Variants in SWT1 observed in about 807,000 individuals in gnomAD.
SWT1 encodes SWT1 RNA endoribonuclease homolog.
Under a neutral mutation model 107.3 loss-of-function variants are expected in SWT1, and 33 were observed. That is an observed-to-expected ratio of 0.31 (90% CI 0.23 to 0.41). The LOEUF (loss-of-function observed/expected upper bound fraction) is 0.41, where lower values mean the gene tolerates loss of function less well. Ranked by LOEUF, SWT1 falls within the 10% of genes least tolerant of loss-of-function variation. The pLI, the probability that SWT1 is intolerant of heterozygous loss-of-function variation, is 1.00. For synonymous variants in SWT1, 345 were observed against 348.3 expected (o/e 0.99, Z 0.11); for missense variants, 898 against 1,028.9 (o/e 0.87, Z 1.74).
chr1:185,215,755 A>G (rs1558047190), intron 14 of SWT1, among the ~76,000 whole-genome samples: 2 of 152,046 alleles, frequency 1.3e-5, no homozygotes, highest in Non-Finnish European at 2.9e-5. Context: ...TACCTAGGCT[A>G]GTCTTGACTC....
chr1:185,164,245 CAT>C (rs1365685060), intron 2 of SWT1, among the ~76,000 whole-genome samples: 2 of 151,774 alleles, frequency 1.3e-5, no homozygotes, highest in Non-Finnish European at 2.9e-5. Context: ...GCTGTAAACA[CAT>C]GTGCTGTCAT....
At chr1:185,228,763 G>A (rs553054077) in intron 15 of SWT1, among the ~76,000 whole-genome samples, 1 of 152,274 alleles carries the variant, frequency 6.6e-6, no homozygotes, top group African/African-American at 2.4e-5. Context: ...GTGTTAGAGA[G>A]TGTTCAAGAA....
intron 5 of SWT1, chr1:185,177,166 TAAAGG>T (rs1226850047): frequency 2.0e-5 from 9 of 458,604 alleles, no homozygotes; most frequent in Non-Finnish European, 2.3e-5. Flanking sequence ...ACTGCTTTCT[TAAAGG>T]AAAGAACCTC....
intron 13 of SWT1, among the ~76,000 whole-genome samples, chr1:185,210,757 GTC>G (rs1571513177): frequency 6.6e-6 from 1 of 152,118 alleles, no homozygotes; most frequent in Non-Finnish European, 1.5e-5. Flanking sequence ...AAGTCAAATT[GTC>G]TCTGTTGCAG....
chr1:185,205,911 A>G (rs1658296422), intron 12 of SWT1, among the ~76,000 whole-genome samples: 1 of 152,178 alleles, frequency 6.6e-6, no homozygotes, highest in Non-Finnish European at 1.5e-5. Context: ...TAAATGATCA[A>G]TGTTTTTAAT....
At chr1:185,250,315 G>A (rs1479361850) in intron 16 of SWT1, among the ~76,000 whole-genome samples, 2 of 152,106 alleles carry the variant, frequency 1.3e-5, no homozygotes, top group Admixed American at 1.3e-4. Flanking sequence ...AGGGCCTTTT[G>A]TGTATCTGAA....
At chr1:185,207,513 C>T (rs1379543353) in intron 13 of SWT1, among the ~76,000 whole-genome samples, 2 of 152,172 alleles carry the variant, frequency 1.3e-5, no homozygotes, top group African/African-American at 2.4e-5. Flanking sequence ...AAAAACTGAT[C>T]TAATGTTATT....
At chr1:185,203,042 C>T (rs559972887) in intron 11 of SWT1, among the ~76,000 whole-genome samples, 5 of 152,266 alleles carry the variant, frequency 3.3e-5, no homozygotes, top group African/African-American at 4.8e-5. Context: ...TTTGTCTGCA[C>T]GCTTACATAC....
At chr1:185,258,845 A>G (rs58292874) in intron 16 of SWT1, among the ~76,000 whole-genome samples, 7 of 152,032 alleles carry the variant, frequency 4.6e-5, no homozygotes, top group Non-Finnish European at 7.4e-5. Flanking sequence ...GTCTGAAGAC[A>G]TATCTTCAGT....
intron 16 of SWT1, among the ~76,000 whole-genome samples, chr1:185,257,067 G>T (rs979451235): frequency 1.1e-4 from 17 of 152,190 alleles, no homozygotes; most frequent in Admixed American, 3.3e-4. Flanking sequence ...GCCCCTGCTG[G>T]GGGGTGCCTC....
chr1:185,168,421 T>C (rs1229740265), intron 4 of SWT1, 23 bp downstream of exon 4: 1 of 1,364,150 alleles, frequency 7.3e-7, no homozygotes, highest in Non-Finnish European at 9.8e-7. Context: ...TTTTTCTTTT[T>C]ACTGTTTTGG....
chr1:185,176,850 G>T (rs945609106), intron 5 of SWT1: 1 of 380,178 alleles, frequency 2.6e-6, no homozygotes, highest in Non-Finnish European at 3.6e-6. Flanking sequence ...TGGGCATGGT[G>T]GCAGGCACCT....
At chr1:185,178,388 A>G (rs750623154) in intron 5 of SWT1, among the ~76,000 whole-genome samples, 3 of 152,222 alleles carry the variant, frequency 2.0e-5, no homozygotes, top group African/African-American at 4.8e-5. Context: ...TTTATCTCGT[A>G]GATGGAAGAG....
rs958532752 is a variant in SWT1, at chr1:185,264,441, C to A, written c.2442-6882C>A. ...GAATGTTCATTTGGTTCCTAGTTGACAAGCTATGTGATAATTTGTGGTGTT... is the reference window on the plus strand; with the variant it reads ...GAATGTTCATTTGGTTCCTAGTTGAAAAGCTATGTGATAATTTGTGGTGTT... On this transcript the variant is annotated intron_variant, in intron 16 of 18. Transcript: ENST00000367500. The A allele has an allele frequency of 4.1e-6, 4 of 984,232 alleles. No individual in the cohort carries two copies. The Admixed American group carries it at 1.8e-4, about 45-fold the overall frequency. 61.0% of individuals were successfully genotyped at this position (984,232 alleles called of 1,614,324 possible).
At chr1:185,165,154 A>T (rs1432697609) in intron 2 of SWT1, among the ~76,000 whole-genome samples, 2 of 152,312 alleles carry the variant, frequency 1.3e-5, no homozygotes, top group Middle Eastern at 3.4e-3. Flanking sequence ...AACAGAACAC[A>T]TGCAACATTT....
chr1:185,275,207 C>G (rs1664157144), intron 17 of SWT1, among the ~76,000 whole-genome samples: 1 of 151,954 alleles, frequency 6.6e-6, no homozygotes, highest in African/African-American at 2.4e-5. Flanking sequence ...GACCAAATGT[C>G]TGCAGTGTGT....
chr1:185,253,709 A>G (rs943992311), intron 16 of SWT1, among the ~76,000 whole-genome samples: 5 of 152,050 alleles, frequency 3.3e-5, no homozygotes, highest in African/African-American at 1.2e-4. Context: ...TAGATATACA[A>G]TCATGTCATC....
intron 16 of SWT1, among the ~76,000 whole-genome samples, chr1:185,255,856 A>T (rs1199841190): frequency 2.0e-5 from 3 of 151,598 alleles, no homozygotes; most frequent in Non-Finnish European, 4.4e-5. Flanking sequence ...TCATTAGTTG[A>T]TGCAGTTTCT....
intron 13 of SWT1, 48 bp downstream of exon 13, chr1:185,206,811 C>G (rs1269932446): frequency 5.4e-6 from 7 of 1,298,968 alleles, no homozygotes; most frequent in African/African-American, 4.5e-5. Context: ...TTAAGTCAGA[C>G]TAGCAGATAT....
Sources: gnomAD v4.1 joint callset for allele counts (sites outside exome capture counted in the v4.1 genomes callset) on GRCh38, gnomAD v4.1.1 for gene constraint, MANE v1.5 for transcripts, NCBI Gene and HGNC (gene_info 2026-07-23, HGNC 2026-07-21) for gene names.